The following GANAB variants were observed in gnomAD, a reference collection of about 807,000 sequenced individuals.
The protein encoded by GANAB is neutral alpha-glucosidase AB.
In GANAB, 35 loss-of-function variants were observed where a neutral mutation model predicts 129.9. The ratio of observed to expected loss-of-function variants is 0.27; its 90% confidence interval spans 0.21 to 0.36. The LOEUF is 0.36. Ranked by LOEUF, GANAB falls within the 10% of genes least tolerant of loss-of-function variation. The probability of loss-of-function intolerance (pLI) is 1.00; values close to 1 mark genes in which losing one functional copy is unlikely to be tolerated. For synonymous variants in GANAB, 482 were observed against 451.8 expected (o/e 1.07, Z -0.85); for missense variants, 939 against 1,221.0 (o/e 0.77, Z 3.44).
At chr11:62,635,084 C>A in intron 4 of GANAB, 84 bp from the exon 5 acceptor site, 1 of 980,702 alleles carries the variant, frequency 1.0e-6, no homozygotes, top group Admixed American at 2.0e-5. Context: ...GGGAAATCTA[C>A]CTGTTAAGAG....
chr11:62,632,533 T>G, intron 9 of GANAB, 32 bp downstream of exon 9: 1 of 1,571,990 alleles, frequency 6.4e-7, no homozygotes, highest in Non-Finnish European at 8.7e-7. Flanking sequence ...GAAGCTTCAC[T>G]CCCTCCTTTT....
Position 62,633,482 on chromosome 11 carries a change from C to G in GANAB, c.593G>C (p.Gly198Ala), listed in dbSNP as rs1414096790. The G allele has an allele frequency of 6.2e-7, 1 of 1,614,010 alleles. No homozygotes were observed. The highest frequency in any genetic ancestry group is 8.5e-7 in the Non-Finnish European group (1 of 1,180,024). The change falls in exon 6 of 24, where the codon GGG (glycine) becomes GCG (alanine). Residue 198 changes from glycine to alanine, a missense_variant. This residue lies in a region of GANAB where 321 missense variants were observed against 329.1 expected (regional missense o/e 0.98). Coordinates refer to ENST00000356638, the MANE Select transcript of GANAB (RefSeq NM_198334.3). The stretch of plus-strand genomic sequence containing the variant: ...CCTGGGTGTTTCCTCAGGCTGGGCC[C>G]CATCGCCCTCAGCTGGGTCTTTTGA... ...QGSKDPAEGD[G>A]AQPEETPRDG...
In GANAB at chr11:62,638,334, A is replaced by C. The variant is rs551920020; in HGVS notation, c.380+649T>G. On this transcript the variant is annotated intron_variant, in intron 4 of 23. Transcript: ENST00000356638. ...ACACCTGGCTGATTTTTGTATTTTTAGTAGAGATGGGGTTTCACCATGTTG... is the reference window on the plus strand; with the variant it reads ...ACACCTGGCTGATTTTTGTATTTTTCGTAGAGATGGGGTTTCACCATGTTG... Among the ~76,000 whole-genome samples, 3 of 152,150 alleles carry C rather than the reference A, an allele frequency of 2.0e-5. No homozygotes were observed. The South Asian group carries it at 6.2e-4, about 32-fold the overall frequency.
intron 10 of GANAB, 46 bp downstream of exon 10, chr11:62,630,983 AC>A (rs781154217): frequency 8.3e-5 from 130 of 1,569,852 alleles, no homozygotes; most frequent in South Asian, 1.3e-4. Context: ...ACATAGAATC[AC>A]CCGACAAGAA....
chr11:62,639,489 A>C, intron 2 of GANAB, 22 bp from the exon 3 acceptor site: 1 of 1,582,082 alleles, frequency 6.3e-7, no homozygotes, highest in Non-Finnish European at 8.7e-7. Flanking sequence ...AGGGTTGGGA[A>C]GTAAGGTAAA....
intron 4 of GANAB, 24 bp downstream of exon 4, chr11:62,638,959 G>A (rs759135974): frequency 1.2e-6 from 2 of 1,610,426 alleles, no homozygotes; most frequent in South Asian, 1.1e-5. Flanking sequence ...CCACAGAAAT[G>A]GATGTTTCTC....
intron 4 of GANAB, among the ~76,000 whole-genome samples, chr11:62,636,403 C>T (rs897824926): frequency 6.7e-6 from 1 of 150,246 alleles, no homozygotes; most frequent in Admixed American, 6.6e-5. Context: ...GTGTTCAAGA[C>T]CAGACTGGGC....
rs1590806547 is a variant in GANAB at position 62,633,053 on chromosome 11, A to G, written c.767T>C (p.Val256Ala). ...GTCTGCATGCTCAGGGATCCCATAG[A>G]CATGCTCCATGCCTGGCAGAGAGAA... is the stretch of plus-strand genomic sequence containing the variant. ...LDFSLPGMEH[V>A]YGIPEHADNL... Residue 256 changes from valine to alanine, a missense_variant, in exon 8 of 24, where the codon GTC (valine) becomes GCC (alanine). Val to Ala is a moderately conservative substitution (Grantham distance 64, BLOSUM62 0). Around this residue, in one of 5 missense-constraint regions of GANAB, gnomAD observed 321 missense variants for 329.1 expected, o/e 0.98. Coordinates refer to ENST00000356638, the MANE Select transcript of GANAB (RefSeq NM_198334.3). The G allele has an allele frequency of 6.2e-7, 1 of 1,611,872 alleles. No individual in the cohort carries two copies. The highest frequency in any genetic ancestry group is 8.5e-7 in the Non-Finnish European group (1 of 1,177,988).
chr11:62,636,582 C>T (rs1047105831), intron 4 of GANAB, among the ~76,000 whole-genome samples: 10 of 152,160 alleles, frequency 6.6e-5, no homozygotes, highest in East Asian at 3.9e-4. Context: ...TTTCGGAGGC[C>T]GAGGCAGGTG....
At chr11:62,630,324 C>T in intron 12 of GANAB, 48 bp from the exon 13 acceptor site, 2 of 1,613,202 alleles carry the variant, frequency 1.2e-6, no homozygotes, top group Non-Finnish European at 1.7e-6. Flanking sequence ...GGCAAAAGAG[C>T]CACCATTCTA....
At position 62,646,587 on chromosome 11, in the gene GANAB, C is replaced by A. The variant is rs774600154; in HGVS notation, c.13G>T (p.Ala5Ser). 6 of 1,613,918 alleles carry A rather than the reference C, an allele frequency of 3.7e-6. No homozygotes were observed. Among genetic ancestry groups the A allele is most frequent in the Non-Finnish European group, 5.1e-6 (6 of 1,179,948 alleles). The part of the protein sequence containing the change: MAAV[A>S]AVAARRRRSW... ...CGCCTCCTACGCGCCGCCACTGCCG[C>A]TACCGCCGCCATCTTGTGCAGAGTT... Residue 5 changes from alanine to serine, a missense_variant, in exon 1 of 24, where the codon GCG becomes TCG. Around this residue, in one of 5 missense-constraint regions of GANAB, gnomAD observed 321 missense variants for 329.1 expected, o/e 0.98. Coordinates refer to ENST00000356638, the MANE Select transcript of GANAB (RefSeq NM_198334.3).
At chr11:62,632,123 G>A (rs1209819931) in intron 9 of GANAB, among the ~76,000 whole-genome samples, 7 of 151,092 alleles carry the variant, frequency 4.6e-5, no homozygotes, top group African/African-American at 1.5e-4. Context: ...ACAGGAGTCC[G>A]CCGCCACACC....
In GANAB at chr11:62,634,953, G is replaced by T. The variant is rs374728010; in HGVS notation, c.428C>A (p.Ala143Asp). The change falls in exon 5 of 24, where the codon GCT becomes GAT. Residue 143 changes from alanine to aspartate, a missense_variant. Ala to Asp is a moderately radical substitution (Grantham distance 126). Around this residue, in one of 5 missense-constraint regions of GANAB, gnomAD observed 321 missense variants for 329.1 expected, o/e 0.98. Coordinates refer to ENST00000356638, the MANE Select transcript of GANAB (RefSeq NM_198334.3). ...RDENSVELTMAEGPYKIILTA... is the reference protein window; with the variant it reads ...RDENSVELTMDEGPYKIILTA... Reference sequence around the variant, plus strand: ...CAAGATGATCTTGTAGGGTCCCTCAGCCATGGTTAACTCCACACTGTTCTC... The same window carrying T: ...CAAGATGATCTTGTAGGGTCCCTCATCCATGGTTAACTCCACACTGTTCTC... The T allele has an allele frequency of 2.5e-5, 41 of 1,613,600 alleles. No homozygotes were observed. The highest frequency in any genetic ancestry group is 3.3e-5 in the Non-Finnish European group (39 of 1,179,620).
chr11:62,634,864 G>A lies in GANAB; in HGVS notation c.517C>T (p.Arg173Ter), dbSNP rs1394696665. The A allele has an allele frequency of 6.2e-7, 1 of 1,613,994 alleles. No homozygotes were observed. The highest frequency in any genetic ancestry group is 8.5e-7 in the Non-Finnish European group (1 of 1,179,930). Residue 173 changes from arginine to a stop codon, truncating the protein, a stop_gained, in exon 5 of 24, where the codon CGA (arginine) becomes TGA (stop). Coordinates refer to ENST00000356638, the MANE Select transcript of GANAB (RefSeq NM_198334.3). LOFTEE classifies it high-confidence loss of function. ...DRSLLLSVNA[R>*]GLLEFEHQRA... ...TGATGCTCAAACTCCAAGAGTCCTC[G>A]GGCATTGACACTAAGCAAAAGACTT...
chr11:62,641,247 G>A (rs777560453), intron 1 of GANAB, among the ~76,000 whole-genome samples: 19 of 150,948 alleles, frequency 1.3e-4, no homozygotes, highest in Non-Finnish European at 1.8e-4. Context: ...GGGAGGCTGA[G>A]GCATGAGAAT....
chr11:62,632,689 T>G lies in GANAB; in HGVS notation c.872A>C (p.Asn291Thr), dbSNP rs757594879. ...NLDVFQYELYNPMALYGSVPV... is the reference protein window; with the variant it reads ...NLDVFQYELYTPMALYGSVPV... ...CACAGACCCATACAAGGCCATTGGG[T>G]TGTACAGCTCATACTGGAACACATC... The change falls in exon 9 of 24, where the codon AAC becomes ACC. Residue 291 changes from asparagine (N) to threonine (T), a missense_variant. Physicochemically the swap from Asn to Thr is moderately conservative, Grantham distance 65. This residue lies in a region of GANAB where 21 missense variants were observed against 53.7 expected (regional missense o/e 0.39). Coordinates refer to ENST00000356638, the MANE Select transcript of GANAB (RefSeq NM_198334.3). 3.1e-6 allele frequency: 5 copies of G among 1,613,812 alleles called. No homozygotes were observed. The South Asian group carries it at 5.5e-5, about 18-fold the overall frequency.
At chr11:62,640,065 C>G in intron 1 of GANAB, 1 of 194,654 alleles carries the variant, frequency 5.1e-6, no homozygotes, top group Non-Finnish European at 1.1e-5. Flanking sequence ...GAAACCCTGT[C>G]TCTACTAAAA....
intron 1 of GANAB, among the ~76,000 whole-genome samples, chr11:62,641,522 T>C (rs1482100133): frequency 6.6e-6 from 1 of 152,020 alleles, no homozygotes; most frequent in Non-Finnish European, 1.5e-5. Context: ...TTCTGAGCCC[T>C]AATGCACCCC....
chr11:62,633,434 C>G lies in GANAB; in HGVS notation c.630+11G>C, dbSNP rs1943786425. On this transcript the variant is annotated intron_variant, in intron 6 of 23. Coordinates refer to ENST00000356638, the MANE Select transcript of GANAB (RefSeq NM_198334.3). ...GCCCTATCCTCCAACCACCCACCCG[C>G]TCCAACTTGCCTTGTCGCCATCCCT... is the stretch of plus-strand genomic sequence containing the variant. The G allele has an allele frequency of 6.2e-7, 1 of 1,613,568 alleles. No individual in the cohort carries two copies. Among genetic ancestry groups the G allele is most frequent in the African/African-American group, 1.3e-5 (1 of 74,916 alleles).
Sources: allele counts gnomAD v4.1 joint callset (sites outside exome capture counted in the v4.1 genomes callset), GRCh38; gene constraint gnomAD v4.1.1; regional missense constraint gnomAD v4.1.1; transcripts MANE v1.5; gene names NCBI Gene and HGNC (gene_info 2026-07-23, HGNC 2026-07-21).